Variants in MTERF3 observed in about 807,000 individuals in gnomAD.
The protein encoded by MTERF3 is transcription termination factor 3, mitochondrial.
In MTERF3, 40 loss-of-function variants were observed where a neutral mutation model predicts 40.5. The ratio of observed to expected loss-of-function variants is 0.99; its 90% confidence interval spans 0.77 to 1.29. The LOEUF (loss-of-function observed/expected upper bound fraction) is 1.29, where lower values mean the gene tolerates loss of function less well. Ranked by LOEUF, MTERF3 falls within the 50% of genes most tolerant of loss-of-function variation. The probability of loss-of-function intolerance (pLI) is 0.00; values close to 1 mark genes in which losing one functional copy is unlikely to be tolerated. For synonymous variants in MTERF3, 158 were observed against 166.6 expected (o/e 0.95, Z 0.40); for missense variants, 452 against 478.2 (o/e 0.95, Z 0.51).
chr8:96,259,709 C>T lies in MTERF3; in HGVS notation c.-10-1009G>A, dbSNP rs563088283. Among the ~76,000 whole-genome samples the T allele has an allele frequency of 1.1e-3, 161 of 152,232 alleles. 1 individual carries two copies. Among genetic ancestry groups the T allele is most frequent in the African/African-American group, 3.9e-3 (160 of 41,554 alleles). On this transcript the variant is annotated intron_variant, in intron 1 of 7. Transcript: ENST00000287025. ...TACACAACCAAATACAAAAATTCTG[C>T]TGAATTAATTGCTGCCTACAACTTT...
intron 1 of MTERF3, among the ~76,000 whole-genome samples, chr8:96,261,263 T>C (rs565219214): frequency 1.8e-4 from 28 of 152,346 alleles, no homozygotes; most frequent in African/African-American, 6.5e-4. Flanking sequence ...TTCCCCAAAC[T>C]TGCGCAGGAA....
intron 4 of MTERF3, among the ~76,000 whole-genome samples, chr8:96,249,889 T>A (rs1020103585): frequency 1.3e-5 from 2 of 152,208 alleles, no homozygotes; most frequent in Admixed American, 6.5e-5. Flanking sequence ...AGCAAGTTAA[T>A]ACCAGTATTT....
At chr8:96,250,008 C>A (rs914200493) in intron 4 of MTERF3, among the ~76,000 whole-genome samples, 1 of 152,036 alleles carries the variant, frequency 6.6e-6, no homozygotes, top group Non-Finnish European at 1.5e-5. Flanking sequence ...AGGGGTTTTG[C>A]CTTGTTCTCT....
chr8:96,246,042 C>G, intron 5 of MTERF3, 111 bp from the exon 6 acceptor site: 4 of 1,027,546 alleles, frequency 3.9e-6, no homozygotes, highest in Non-Finnish European at 5.7e-6. Flanking sequence ...ATGACCCAAT[C>G]AGAAAAATGA....
intron 7 of MTERF3, among the ~76,000 whole-genome samples, chr8:96,241,291 T>A (rs912996650): frequency 4.6e-5 from 7 of 151,648 alleles, no homozygotes; most frequent in Non-Finnish European, 7.4e-5. Context: ...GCGCTTGTAG[T>A]CCCAGCTACT....
intron 4 of MTERF3, among the ~76,000 whole-genome samples, chr8:96,249,699 T>A (rs1327235186): frequency 6.6e-6 from 1 of 152,186 alleles, no homozygotes; most frequent in African/African-American, 2.4e-5. Flanking sequence ...TGGAGGGTCA[T>A]GACTAGAGGC....
At chr8:96,250,497 G>A (rs990975623) in intron 4 of MTERF3, among the ~76,000 whole-genome samples, 1 of 144,430 alleles carries the variant, frequency 6.9e-6, no homozygotes, top group African/African-American at 2.5e-5. Context: ...GATCACTTGA[G>A]GTCAGGAGTT....
chr8:96,254,879 A>G (rs551374058), intron 3 of MTERF3, among the ~76,000 whole-genome samples: 3 of 152,298 alleles, frequency 2.0e-5, no homozygotes, highest in African/African-American at 7.2e-5. Flanking sequence ...GCTAGGATCC[A>G]AGTAAGCAGG....
chr8:96,259,916 T>A (rs7815834), intron 1 of MTERF3, among the ~76,000 whole-genome samples: 47,910 of 149,426 alleles, frequency 0.32, 8,208 homozygotes, highest in Non-Finnish European at 0.39. Context: ...TATTATTATT[T>A]TTTTTGAGAC....
intron 3 of MTERF3, among the ~76,000 whole-genome samples, chr8:96,253,909 G>A (rs111917763): frequency 6.6e-6 from 1 of 151,998 alleles, no homozygotes; most frequent in Non-Finnish European, 1.5e-5. Flanking sequence ...TTGCGGGGCT[G>A]AGGTGGGAGG....
intron 2 of MTERF3, 106 bp from the exon 3 acceptor site, chr8:96,257,220 G>A: frequency 3.4e-6 from 4 of 1,193,142 alleles, no homozygotes; most frequent in Non-Finnish European, 4.6e-6. Flanking sequence ...TAAATCTTGG[G>A]ATCATTTTAG....
chr8:96,256,392 G>T (rs772745665), intron 3 of MTERF3, among the ~76,000 whole-genome samples: 4 of 152,146 alleles, frequency 2.6e-5, no homozygotes, highest in African/African-American at 9.7e-5. Context: ...AAACTGTCCT[G>T]AGAGGCTACT....
intron 4 of MTERF3, 111 bp from the exon 5 acceptor site, chr8:96,246,565 C>T: frequency 1.1e-6 from 1 of 922,932 alleles, no homozygotes; most frequent in Non-Finnish European, 1.5e-6. Flanking sequence ...AAGGCTCCCA[C>T]ACCCTAAATT....
chr8:96,240,469 C>T (rs1301653754), intron 7 of MTERF3, among the ~76,000 whole-genome samples: 6 of 152,144 alleles, frequency 3.9e-5, no homozygotes, highest in African/African-American at 1.4e-4. Flanking sequence ...AAAATTTGCA[C>T]TCCTCCCCTT....
chr8:96,251,014 TG>T lies in MTERF3; in HGVS notation c.568del (p.Gln190LysfsTer11). On this transcript the variant is annotated frameshift_variant, in exon 4 of 8. Transcript: ENST00000287025. LOFTEE classifies it high-confidence loss of function. ...CACATCTTTAAGAAACAGAAGCATTTGCTTAATGTCTTTTTCAAAATCCAGT... is the reference window on the plus strand; with the variant it reads ...CACATCTTTAAGAAACAGAAGCATTTCTTAATGTCTTTTTCAAAATCCAGT... ...LRLDFEKDIK[Q>X]MLLFLKDVGI... 6.2e-7 allele frequency: 1 copy of T among 1,605,838 alleles called. No homozygotes were observed. The highest frequency in any genetic ancestry group is 1.1e-5 in the South Asian group (1 of 88,706).
chr8:96,249,179 T>C (rs1454803444), intron 4 of MTERF3, among the ~76,000 whole-genome samples: 1 of 152,228 alleles, frequency 6.6e-6, no homozygotes, highest in East Asian at 1.9e-4. Context: ...TTTGATTAAC[T>C]GGGGTTGAAA....
intron 4 of MTERF3, among the ~76,000 whole-genome samples, chr8:96,250,685 A>AAGGG (rs1810158654): frequency 3.3e-5 from 1 of 29,992 alleles, no homozygotes; most frequent in South Asian, 1.4e-3. Context: ...AAGAAGAAGG[A>AAGGG]GGAGGAGGAG....
At chr8:96,250,782 A>C in intron 4 of MTERF3, 124 bp downstream of exon 4, 2 of 841,222 alleles carry the variant, frequency 2.4e-6, no homozygotes, top group Non-Finnish European at 3.5e-6. Flanking sequence ...GAAGGTCTAT[A>C]ACAAAAAAAA....
chr8:96,239,848 T>G lies in MTERF3; in HGVS notation c.1060-163A>C, dbSNP rs78486395. 3.3e-3 allele frequency: 2,325 copies of G among 706,096 alleles called. 37 individuals are homozygous for G. The African/African-American group carries it at 0.036, about 11-fold the overall frequency. The allele number at this position is 706,096 out of a possible 1,614,324, so 43.7% of individuals were successfully genotyped here. On this transcript the variant is annotated intron_variant, in intron 7 of 7. Transcript: ENST00000287025. The stretch of plus-strand genomic sequence containing the variant: ...GAGGATTTAAATCCTATATTTTCTG[T>G]GAAGAAACTAGAAAAAGGGATTCAA...
Sources: allele counts gnomAD v4.1 joint callset (sites outside exome capture counted in the v4.1 genomes callset), GRCh38; gene constraint gnomAD v4.1.1; transcripts MANE v1.5; gene names NCBI Gene and HGNC (gene_info 2026-07-23, HGNC 2026-07-21).